The following PTPRM variants were observed in gnomAD, a reference collection of about 807,000 sequenced individuals.
PTPRM encodes receptor-type tyrosine-protein phosphatase mu.
In PTPRM, 47 loss-of-function variants were observed where a neutral mutation model predicts 186.7. The ratio of observed to expected loss-of-function variants is 0.25; its 90% CI spans 0.20 to 0.32. The LOEUF is 0.32. Ranked by LOEUF, PTPRM falls within the 10% of genes least tolerant of loss-of-function variation. The pLI, the probability that PTPRM is intolerant of heterozygous loss-of-function variation, is 1.00. For synonymous variants in PTPRM, 668 were observed against 674.9 expected (o/e 0.99, Z 0.16); for missense variants, 1,494 against 1,865.0 (o/e 0.80, Z 3.66).
At chr18:7,629,821 ATC>A (rs1394907773) in intron 1 of PTPRM, among the ~76,000 whole-genome samples, 1 of 152,110 alleles carries the variant, frequency 6.6e-6, no homozygotes, top group Non-Finnish European at 1.5e-5. Context: ...ATTTTTAAAG[ATC>A]TCTCAGACTG....
intron 1 of PTPRM, among the ~76,000 whole-genome samples, chr18:7,673,634 C>T (rs2039268651): frequency 6.6e-6 from 1 of 152,150 alleles, no homozygotes. Flanking sequence ...AAGGCTTATT[C>T]ATCACATATT....
intron 11 of PTPRM, 60 bp from the exon 12 acceptor site, chr18:8,113,426 G>A (rs945765022): frequency 6.7e-7 from 1 of 1,499,678 alleles, no homozygotes; most frequent in South Asian, 1.2e-5. Context: ...TGCAGTTGAA[G>A]GCAGAGTGGA....
chr18:8,119,208 G>C (rs2092079555), intron 13 of PTPRM, among the ~76,000 whole-genome samples: 1 of 152,054 alleles, frequency 6.6e-6, no homozygotes, highest in Non-Finnish European at 1.5e-5. Context: ...AAACTTTGAA[G>C]GATTTCCATT....
chr18:8,033,187 T>G (rs1248904724), intron 7 of PTPRM, among the ~76,000 whole-genome samples: 1 of 152,110 alleles, frequency 6.6e-6, no homozygotes, highest in Admixed American at 6.5e-5. Flanking sequence ...AATTAAAAAA[T>G]GAATACTATA....
At position 7,998,551 on chromosome 18, in the gene PTPRM, G is replaced by A. The variant is rs146869451; in HGVS notation, c.1132+43137G>A. ...GTTTATTCCTCATGAAGATATTTGT[G>A]GACTAATAGGAAAAAAGCATTAAAT... On this transcript the variant is annotated intron_variant, in intron 7 of 32. Coordinates refer to ENST00000580170, the MANE Select transcript of PTPRM (RefSeq NM_001105244.2). Among the ~76,000 whole-genome samples the A allele has an allele frequency of 5.7e-3, 860 of 152,020 alleles. 12 individuals are homozygous for A. The highest frequency in any genetic ancestry group is 0.02 in the African/African-American group (811 of 41,480).
At chr18:8,258,504 G>A (rs1010291459) in intron 19 of PTPRM, among the ~76,000 whole-genome samples, 11 of 152,092 alleles carry the variant, frequency 7.2e-5, no homozygotes, top group Non-Finnish European at 2.9e-5. Flanking sequence ...GATCCTGTGC[G>A]AGTGGAGAGT....
At chr18:7,763,541 A>G (rs895343539) in intron 1 of PTPRM, among the ~76,000 whole-genome samples, 6 of 152,208 alleles carry the variant, frequency 3.9e-5, no homozygotes, top group Non-Finnish European at 5.9e-5. Context: ...TCTCAGTTCT[A>G]TGATCCCAAT....
chr18:7,985,495 A>G lies in PTPRM; in HGVS notation c.1132+30081A>G, dbSNP rs552756595. On this transcript the variant is annotated intron_variant, in intron 7 of 32. Coordinates refer to ENST00000580170, the MANE Select transcript of PTPRM (RefSeq NM_001105244.2). ...TAAATATATACATATACTGGTAGAT[A>G]CGTATATAAATATATACATATACTG... is the stretch of plus-strand genomic sequence containing the variant. 5.4e-3 allele frequency among the ~76,000 whole-genome samples: 778 copies of G among 145,082 alleles called. 2 individuals carry two copies. Among genetic ancestry groups the G allele is most frequent in the African/African-American group, 0.02 (747 of 37,216 alleles).
intron 7 of PTPRM, among the ~76,000 whole-genome samples, chr18:8,056,594 C>T (rs1224097674): frequency 6.6e-6 from 1 of 151,622 alleles, no homozygotes; most frequent in Non-Finnish European, 1.5e-5. Flanking sequence ...CACACTCCAG[C>T]CTGGGCGAAA....
In PTPRM at chr18:8,223,045, G is replaced by A. The variant is rs188426207; in HGVS notation, c.2301-21013G>A. Among the ~76,000 whole-genome samples the A allele has an allele frequency of 2.9e-3, 445 of 152,124 alleles. 2 individuals are homozygous for A. Among genetic ancestry groups the A allele is most frequent in the Admixed American group, 6.6e-3 (100 of 15,256 alleles). On this transcript the variant is annotated intron_variant, in intron 14 of 32. Coordinates refer to ENST00000580170, the MANE Select transcript of PTPRM (RefSeq NM_001105244.2). ...TCGAGACCAGCCTGGTCAACATTGC[G>A]AAACCCCGTCTCTACTAAGAGTACA...
intron 14 of PTPRM, among the ~76,000 whole-genome samples, chr18:8,193,356 AT>A (rs1344442888): frequency 6.6e-6 from 1 of 152,156 alleles, no homozygotes; most frequent in Non-Finnish European, 1.5e-5. Context: ...ATACAGCTTC[AT>A]TTTCTCTTCC....
At chr18:7,890,329 A>G (rs2049007614) in intron 3 of PTPRM, among the ~76,000 whole-genome samples, 1 of 152,150 alleles carries the variant, frequency 6.6e-6, no homozygotes, top group Non-Finnish European at 1.5e-5. Flanking sequence ...TGTCTTCAAA[A>G]TGGGCGTGAA....
At chr18:7,900,874 T>C (rs781241261) in intron 3 of PTPRM, among the ~76,000 whole-genome samples, 3 of 152,228 alleles carry the variant, frequency 2.0e-5, no homozygotes, top group Non-Finnish European at 2.9e-5. Flanking sequence ...TTATTCTTTT[T>C]GAAGAAAAAC....
chr18:7,691,902 T>G (rs1354777926), intron 1 of PTPRM, among the ~76,000 whole-genome samples: 8 of 123,806 alleles, frequency 6.5e-5, no homozygotes, highest in South Asian at 5.6e-4. Context: ...CCCAGGAGGT[T>G]AAGGAGGTGG....
chr18:7,647,686 G>A (rs1255769443), intron 1 of PTPRM, among the ~76,000 whole-genome samples: 3 of 152,196 alleles, frequency 2.0e-5, no homozygotes, highest in Non-Finnish European at 4.4e-5. Context: ...AATCTGGCAC[G>A]TGGTGATTAA....
At chr18:7,699,726 AG>A (rs1426710318) in intron 1 of PTPRM, among the ~76,000 whole-genome samples, 2 of 77,506 alleles carry the variant, frequency 2.6e-5, no homozygotes, top group African/African-American at 1.5e-4. Flanking sequence ...CTAACTTACA[AG>A]TTTTTTTTTT....
intron 1 of PTPRM, among the ~76,000 whole-genome samples, chr18:7,569,926 C>T (rs181944965): frequency 7.9e-4 from 120 of 152,290 alleles, no homozygotes; most frequent in African/African-American, 2.7e-3. Context: ...TAAAGGGCAG[C>T]ATCCAAGCCA....
At chr18:8,211,343 G>A (rs1308374419) in intron 14 of PTPRM, among the ~76,000 whole-genome samples, 1 of 150,044 alleles carries the variant, frequency 6.7e-6, no homozygotes, top group Non-Finnish European at 1.5e-5. Context: ...GGAGAACCTT[G>A]GGGAATTGGG....
At chr18:7,698,093 T>C (rs73939346) in intron 1 of PTPRM, among the ~76,000 whole-genome samples, 4,604 of 152,238 alleles carry the variant, frequency 0.03, 220 homozygotes, top group African/African-American at 0.1. Flanking sequence ...TTCAGTGTGT[T>C]TACTGGATGA....
Sources: gnomAD v4.1 joint callset for allele counts (sites outside exome capture counted in the v4.1 genomes callset) on GRCh38, gnomAD v4.1.1 for gene constraint, MANE v1.5 for transcripts, NCBI Gene and HGNC (gene_info 2026-07-23, HGNC 2026-07-21) for gene names.